MACROD1: variants seen among roughly 807,000 people sequenced by gnomAD.
The protein encoded by MACROD1 is mono-ADP ribosylhydrolase 1.
A neutral mutation model predicts 41.4 loss-of-function variants in MACROD1; 31 were observed. The ratio of observed to expected loss-of-function variants is 0.75; its 90% CI spans 0.56 to 1.01. The LOEUF is 1.01. Among genes scored for constraint, MACROD1 ranks in the 50% least tolerant of loss-of-function variants. The probability of loss-of-function intolerance (pLI) is 0.00; values close to 1 mark genes in which losing one functional copy is unlikely to be tolerated. For missense variants in MACROD1, 473 were observed against 460.0 expected (o/e 1.03, Z -0.26); for synonymous variants, 252 against 203.4 (o/e 1.24, Z -2.03).
intron 4 of MACROD1, among the ~76,000 whole-genome samples, chr11:64,007,313 GA>G (rs1305987766): frequency 6.6e-6 from 1 of 152,226 alleles, no homozygotes; most frequent in Non-Finnish European, 1.5e-5. Context: ...AGGAGAAGGG[GA>G]AAATGGAGCT....
At chr11:64,048,436 C>T (rs576284726) in intron 3 of MACROD1, among the ~76,000 whole-genome samples, 25 of 152,262 alleles carry the variant, frequency 1.6e-4, no homozygotes, top group African/African-American at 5.5e-4. Context: ...TGGCCTGGGA[C>T]GGGTGTGGCC....
At chr11:64,013,393 C>A (rs976579029) in intron 4 of MACROD1, among the ~76,000 whole-genome samples, 14 of 152,196 alleles carry the variant, frequency 9.2e-5, no homozygotes, top group African/African-American at 3.4e-4. Context: ...GGAGCAGCCG[C>A]GTGGACAACT....
chr11:64,164,684 C>T (rs1945808916), intron 1 of MACROD1, among the ~76,000 whole-genome samples: 1 of 152,254 alleles, frequency 6.6e-6, no homozygotes, highest in Non-Finnish European at 1.5e-5. Flanking sequence ...AGAAAGCCAT[C>T]TTCTCTTCAC....
chr11:64,075,474 C>T (rs1040469001), intron 3 of MACROD1, among the ~76,000 whole-genome samples: 1 of 152,384 alleles, frequency 6.6e-6, no homozygotes, highest in East Asian at 1.9e-4. Context: ...ATAACTTCCC[C>T]AAAGCTGCCC....
At chr11:64,141,690 G>C (rs187901775) in intron 3 of MACROD1, among the ~76,000 whole-genome samples, 1 of 152,206 alleles carries the variant, frequency 6.6e-6, no homozygotes, top group African/African-American at 2.4e-5. Context: ...ACAGCACACC[G>C]GGGACGCAAG....
chr11:63,999,174 C>G (rs1388694464), intron 8 of MACROD1, 138 bp from the exon 9 acceptor site: 4 of 1,310,684 alleles, frequency 3.1e-6, no homozygotes, highest in Non-Finnish European at 4.2e-6. Flanking sequence ...GCCATCACCC[C>G]CATCTCGCCA....
intron 4 of MACROD1, among the ~76,000 whole-genome samples, chr11:64,009,435 A>G (rs1942967470): frequency 6.6e-6 from 1 of 152,058 alleles, no homozygotes; most frequent in Admixed American, 6.5e-5. Flanking sequence ...CAGAACTCCT[A>G]TTTAGCCTTC....
intron 4 of MACROD1, 64 bp from the exon 5 acceptor site, chr11:64,000,407 T>G: frequency 2.7e-6 from 3 of 1,125,798 alleles, no homozygotes; most frequent in Non-Finnish European, 2.4e-6. Flanking sequence ...GTGAGCACCC[T>G]CAGTCCCGAG....
chr11:64,141,881 G>A (rs1302935415), intron 3 of MACROD1, among the ~76,000 whole-genome samples: 1 of 152,198 alleles, frequency 6.6e-6, no homozygotes, highest in Non-Finnish European at 1.5e-5. Flanking sequence ...CCTTGGGTTT[G>A]TAGTTCTGCT....
chr11:64,087,418 C>T (rs568910647), intron 3 of MACROD1, among the ~76,000 whole-genome samples: 16 of 152,302 alleles, frequency 1.1e-4, no homozygotes, highest in East Asian at 3.9e-4. Context: ...GAGGAGACTC[C>T]GGGGTGCGTC....
At chr11:64,069,806 C>T (rs774587753) in intron 3 of MACROD1, among the ~76,000 whole-genome samples, 10 of 152,216 alleles carry the variant, frequency 6.6e-5, no homozygotes, top group African/African-American at 1.2e-4. Flanking sequence ...ACGCAGCAGA[C>T]GCAACAGGCT....
At chr11:64,141,185 G>A (rs950081521) in intron 3 of MACROD1, among the ~76,000 whole-genome samples, 3 of 152,140 alleles carry the variant, frequency 2.0e-5, no homozygotes, top group African/African-American at 7.2e-5. Context: ...TATTCGTGGT[G>A]GGGGAGGTGA....
Position 64,165,758 on chromosome 11 carries a change from G to A in MACROD1, c.237C>T (p.Ala79=). ...CCACCTTCGCCGCCATGGCCAGGGG[G>A]GCCCAAGTGCGCACCCCGGCTGTCC... The part of the protein sequence containing the change: ...VGRTAGVRTW[A]PLAMAAKVDL... The change falls in exon 1 of 11, where the codon GCC becomes GCT. Residue 79 remains alanine (A), a synonymous_variant. Coordinates refer to ENST00000255681, the MANE Select transcript of MACROD1 (RefSeq NM_014067.4). 1 of 1,499,454 alleles carries A rather than the reference G, an allele frequency of 6.7e-7. No individual in the cohort carries two copies. The highest frequency in any genetic ancestry group is 8.9e-7 in the Non-Finnish European group (1 of 1,129,536). The allele number at this position is 1,499,454 out of a possible 1,614,324, so 92.9% of individuals were successfully genotyped here. A position where few individuals can be genotyped will look rare whatever the true frequency, so the allele number is the denominator to read the frequency against.
intron 3 of MACROD1, among the ~76,000 whole-genome samples, chr11:64,033,678 TAAA>T (rs1317027401): frequency 1.3e-5 from 2 of 151,838 alleles, no homozygotes; most frequent in Non-Finnish European, 2.9e-5. Context: ...CCGTCTCTGC[TAAA>T]AATACAAAAA....
intron 3 of MACROD1, chr11:64,119,226 G>C (rs896280288): frequency 6.1e-5 from 10 of 163,582 alleles, no homozygotes; most frequent in African/African-American, 2.2e-4. Context: ...GGATGGGAGT[G>C]AGGTGGGGGA....
intron 3 of MACROD1, among the ~76,000 whole-genome samples, chr11:64,124,652 A>AC (rs1224375663): frequency 1.3e-5 from 2 of 148,828 alleles, no homozygotes; most frequent in African/African-American, 4.9e-5. Flanking sequence ...GTGCCTGGAG[A>AC]CCCCCAAAGC....
chr11:64,142,808 A>G (rs541525611), intron 3 of MACROD1, among the ~76,000 whole-genome samples: 1 of 152,116 alleles, frequency 6.6e-6, no homozygotes, highest in South Asian at 2.1e-4. Flanking sequence ...GACGACCCAG[A>G]GGGAGCTGGT....
chr11:64,000,428 G>A (rs926771832), intron 4 of MACROD1, 85 bp from the exon 5 acceptor site: 2 of 875,710 alleles, frequency 2.3e-6, no homozygotes, highest in African/African-American at 3.6e-5. Context: ...AAGCCCCTCG[G>A]CGATGCGAGG....
At chr11:64,158,217 A>G (rs573836212) in intron 1 of MACROD1, among the ~76,000 whole-genome samples, 3 of 152,024 alleles carry the variant, frequency 2.0e-5, no homozygotes, top group Non-Finnish European at 2.9e-5. Flanking sequence ...CACCAAGGAG[A>G]GGATGGCTTA....
Sources: allele counts gnomAD v4.1 joint callset (sites outside exome capture counted in the v4.1 genomes callset), GRCh38; gene constraint gnomAD v4.1.1; transcripts MANE v1.5; gene names NCBI Gene and HGNC (gene_info 2026-07-23, HGNC 2026-07-21).